The following UGT2B28 variants were observed in gnomAD, a reference collection of about 807,000 sequenced individuals.
The protein encoded by UGT2B28 is UDP-glucuronosyltransferase 2B28.
UGT2B28 carries 45 observed loss-of-function variants against 43.6 expected under a neutral mutation model. That is an observed-to-expected ratio of 1.03 (90% confidence interval 0.81 to 1.32). The LOEUF is 1.32. UGT2B28 is among the 40% of genes most tolerant of loss of function. The pLI is 0.00. For synonymous variants in UGT2B28, 204 were observed against 208.1 expected (o/e 0.98, Z 0.17); for missense variants, 649 against 625.5 (o/e 1.04, Z -0.40).
At chr4:69,285,242 C>G (rs1202696298) in intron 2 of UGT2B28, among the ~76,000 whole-genome samples, 1 of 140,192 alleles carries the variant, frequency 7.1e-6, no homozygotes, top group Non-Finnish European at 1.5e-5. Flanking sequence ...TAAAAAAATA[C>G]ATATTTTCTA....
rs1204381297 is a variant in UGT2B28 at position 69,281,580 on chromosome 4, A to C, written c.721+359A>C. On this transcript the variant is annotated intron_variant, in intron 1 of 5. Coordinates refer to ENST00000335568, the MANE Select transcript of UGT2B28 (RefSeq NM_053039.2). ...CTGAATGCATAGATTTAGAATGAGT[A>C]ATTACACATTTTTCTACAACTATCT... 2.1e-5 allele frequency among the ~76,000 whole-genome samples: 3 copies of C among 141,052 alleles called. 1 individual carries two copies. Among genetic ancestry groups the C allele is most frequent in the African/African-American group, 8.3e-5 (3 of 36,216 alleles). The allele number at this position is 141,052 out of a possible 152,430, so 92.5% of individuals were successfully genotyped here. A position where few individuals can be genotyped will look rare whatever the true frequency, so the allele number is the denominator to read the frequency against.
chr4:69,282,727 C>A, intron 2 of UGT2B28, 65 bp downstream of exon 2: 1 of 1,500,430 alleles, frequency 6.7e-7, no homozygotes, highest in Non-Finnish European at 8.8e-7. Flanking sequence ...GAGTCTATAG[C>A]CTTCATTCAA....
intron 3 of UGT2B28, 140 bp downstream of exon 3, chr4:69,287,023 C>A (rs116614850): frequency 7.3e-7 from 1 of 1,376,602 alleles, no homozygotes; most frequent in African/African-American, 1.7e-5. Context: ...TAGCTTCCAC[C>A]GACACAAGTC....
chr4:69,282,770 A>G (rs1273064963), intron 2 of UGT2B28, 108 bp downstream of exon 2: 2 of 1,444,278 alleles, frequency 1.4e-6, no homozygotes, highest in Non-Finnish European at 1.8e-6. Context: ...AAAGATGGGA[A>G]GTAGGTGGTG....
intron 1 of UGT2B28, 102 bp from the exon 2 acceptor site, chr4:69,282,412 C>A (rs1287365902): frequency 3.2e-6 from 4 of 1,260,908 alleles, no homozygotes; most frequent in Non-Finnish European, 3.1e-6. Context: ...AGCACACAAA[C>A]TTTACCTACA....
At chr4:69,281,756 T>C (rs1431162872) in intron 1 of UGT2B28, among the ~76,000 whole-genome samples, 1 of 140,368 alleles carries the variant, frequency 7.1e-6, no homozygotes, top group Admixed American at 7.2e-5. Context: ...ATTTGAAGTT[T>C]CTAATGTTTC....
In UGT2B28 at chr4:69,284,834, T is replaced by A. The variant is rs1175183936; in HGVS notation, c.871-1918T>A. Among the ~76,000 whole-genome samples, 2 of 140,406 alleles carry A rather than the reference T, an allele frequency of 1.4e-5. 1 individual carries two copies. The highest frequency in any genetic ancestry group is 3.0e-5 in the Non-Finnish European group (2 of 65,778). The allele number at this position is 140,406 out of a possible 152,430, so 92.1% of individuals were successfully genotyped here. ...TACATTCTCAGATAATTTCTATATA[T>A]TTTAAGAGAATAAGACACTTGACAA... is the stretch of plus-strand genomic sequence containing the variant. On this transcript the variant is annotated intron_variant, in intron 2 of 5. Coordinates refer to ENST00000335568, the MANE Select transcript of UGT2B28 (RefSeq NM_053039.2).
intron 2 of UGT2B28, among the ~76,000 whole-genome samples, chr4:69,284,617 G>C (rs1723716216): frequency 7.1e-6 from 1 of 140,036 alleles, no homozygotes; most frequent in Non-Finnish European, 1.5e-5. Flanking sequence ...GGAGGAGGAA[G>C]AGAGTAGGAG....
intron 1 of UGT2B28, among the ~76,000 whole-genome samples, chr4:69,281,467 C>T (rs571653664): frequency 7.1e-6 from 1 of 140,624 alleles, no homozygotes; most frequent in East Asian, 2.0e-4. Flanking sequence ...TATATTAGTA[C>T]ACCTAAGACT....
rs775387662 is a variant in UGT2B28 at position 69,292,229 on chromosome 4, AT to A, written c.1310+1422del. On this transcript the variant is annotated intron_variant, in intron 5 of 5. Transcript: ENST00000335568. ...TTTTAAGTTAAAGTTTTAATAATTG[AT>A]TTTGTTCACACCCCAAAGATAACAA... is the stretch of plus-strand genomic sequence containing the variant. 5.7e-5 allele frequency among the ~76,000 whole-genome samples: 8 copies of A among 140,438 alleles called. 1 individual carries two copies. The highest frequency in any genetic ancestry group is 1.1e-4 in the Non-Finnish European group (7 of 65,678). 92.1% of individuals were successfully genotyped at this position (140,438 alleles called of 152,430 possible).
At chr4:69,289,365 T>C (rs1280427986) in intron 3 of UGT2B28, among the ~76,000 whole-genome samples, 1 of 140,864 alleles carries the variant, frequency 7.1e-6, no homozygotes, top group Non-Finnish European at 1.5e-5. Flanking sequence ...TTTTACTTCA[T>C]GTGATGGTTG....
Position 69,294,925 on chromosome 4 carries a change from A to C in UGT2B28, c.*116A>C. 9 of 1,297,774 alleles carry C rather than the reference A, an allele frequency of 6.9e-6. 2 individuals carry two copies. Among genetic ancestry groups the C allele is most frequent in the Non-Finnish European group, 9.0e-6 (9 of 1,004,402 alleles). The allele number at this position is 1,297,774 out of a possible 1,614,324, so 80.4% of individuals were successfully genotyped here. On this transcript the variant is annotated 3_prime_UTR_variant, in exon 6 of 6. Transcript: ENST00000335568. Reference sequence around the variant, plus strand: ...CTTTCTTCCTGTGACAAAAAAAAAAACTTTTCAAAATCTACCTTGTCAAGT... The same window carrying C: ...CTTTCTTCCTGTGACAAAAAAAAAACCTTTTCAAAATCTACCTTGTCAAGT...
Position 69,281,147 on chromosome 4 carries a change from A to G in UGT2B28, c.647A>G (p.Tyr216Cys), listed in dbSNP as rs1323526880. The G allele has an allele frequency of 3.2e-6, 5 of 1,554,396 alleles. 1 individual carries two copies. In the Admixed American group the frequency reaches 5.5e-5, roughly 17 times the overall value. The change falls in exon 1 of 6, where the codon TAT (tyrosine) becomes TGT (cysteine). Residue 216 changes from tyrosine to cysteine, a missense_variant. Transcript: ENST00000335568. ...TFMERVKNMIYVLYFDFWFQM... is the reference protein window; with the variant it reads ...TFMERVKNMICVLYFDFWFQM... ...ATGGAGAGGGTAAAAAACATGATCT[A>G]TGTGCTTTATTTTGACTTTTGGTTC...
chr4:69,288,934 G>A (rs1186360612), intron 3 of UGT2B28, among the ~76,000 whole-genome samples: 3 of 139,938 alleles, frequency 2.1e-5, no homozygotes, highest in Non-Finnish European at 4.6e-5. Flanking sequence ...GTTTTTTTAT[G>A]GCTGCATAAT....
At position 69,284,905 on chromosome 4, in the gene UGT2B28, A is replaced by G. The variant is rs1160279985; in HGVS notation, c.871-1847A>G. 1.4e-5 allele frequency among the ~76,000 whole-genome samples: 2 copies of G among 140,346 alleles called. 1 individual carries two copies. The highest frequency in any genetic ancestry group is 1.4e-4 in the Admixed American group (2 of 13,984). 92.1% of individuals were successfully genotyped at this position (140,346 alleles called of 152,430 possible). A position where few individuals can be genotyped will look rare whatever the true frequency, so the allele number is the denominator to read the frequency against. Reference sequence around the variant, plus strand: ...AATGCGTATTGTTATTAATTTTATAATATATTCACGTGAAATCATAAAAAA... The same window carrying G: ...AATGCGTATTGTTATTAATTTTATAGTATATTCACGTGAAATCATAAAAAA... On this transcript the variant is annotated intron_variant, in intron 2 of 5. Transcript: ENST00000335568.
In UGT2B28 at chr4:69,280,848, G is replaced by A. The variant is rs781124411; in HGVS notation, c.348G>A (p.Leu116=). 1.2e-5 allele frequency: 19 copies of A among 1,560,298 alleles called. 1 individual carries two copies. The East Asian group carries it at 4.4e-4, about 36-fold the overall frequency. The stretch of plus-strand genomic sequence containing the variant: ...ATTTTTCACAAGAACAAGAAATCCT[G>A]TGGGAATTTCATGACATATTTAGAA... ...WLYFSQEQEI[L]WEFHDIFRNF... is the part of the protein sequence containing the mutation. The change falls in exon 1 of 6, where the codon CTG becomes CTA. Residue 116 remains leucine, a synonymous_variant. Transcript: ENST00000335568.
chr4:69,290,643 A>T lies in UGT2B28; in HGVS notation c.1142A>T (p.Tyr381Phe). 1 of 1,559,540 alleles carries T rather than the reference A, an allele frequency of 6.4e-7. No individual in the cohort carries two copies. Among genetic ancestry groups the T allele is most frequent in the East Asian group, 2.3e-5 (1 of 43,540 alleles). ...ACTCATGGTGGAGCCAATGGCATCT[A>T]TGAGGCAATCTACCATGGGATCCCT... is the stretch of plus-strand genomic sequence containing the variant. ...FITHGGANGI[Y>F]EAIYHGIPMV... Residue 381 changes from tyrosine (Y) to phenylalanine (F), a missense_variant, in exon 5 of 6, where the codon TAT (tyrosine) becomes TTT (phenylalanine). Transcript: ENST00000335568.
rs1377795598 is a variant in UGT2B28, at chr4:69,290,142, A to T, written c.1090+390A>T. 4.3e-5 allele frequency among the ~76,000 whole-genome samples: 6 copies of T among 139,598 alleles called. 2 individuals carry two copies. The highest frequency in any genetic ancestry group is 1.7e-4 in the African/African-American group (6 of 35,534). The allele number at this position is 139,598 out of a possible 152,430, so 91.6% of individuals were successfully genotyped here. ...CCAGTGACTCTGTATTATCTGGAGG[A>T]CTAAATTCCTAATCTTAATCTTAAA... On this transcript the variant is annotated intron_variant, in intron 4 of 5. Coordinates refer to ENST00000335568, the MANE Select transcript of UGT2B28 (RefSeq NM_053039.2).
rs1723614859 is a variant in UGT2B28, at chr4:69,281,668, T to A, written c.721+447T>A. On this transcript the variant is annotated intron_variant, in intron 1 of 5. Transcript: ENST00000335568. ...TTCTTTTTTAGGTATTAAAAGATAT[T>A]CCCATGTTTCCAGAAGGTTTCCTTC... is the stretch of plus-strand genomic sequence containing the variant. Among the ~76,000 whole-genome samples, 3 of 140,644 alleles carry A rather than the reference T, an allele frequency of 2.1e-5. 1 individual carries two copies. Among genetic ancestry groups the A allele is most frequent in the South Asian group, 4.7e-4 (2 of 4,220 alleles). The allele number at this position is 140,644 out of a possible 152,430, so 92.3% of individuals were successfully genotyped here.
Sources: gnomAD v4.1 joint callset for allele counts (sites outside exome capture counted in the v4.1 genomes callset) on GRCh38, gnomAD v4.1.1 for gene constraint, MANE v1.5 for transcripts, NCBI Gene and HGNC (gene_info 2026-07-23, HGNC 2026-07-21) for gene names.